The following NDUFAF6 variants were observed in gnomAD, a reference collection of about 807,000 sequenced individuals.
NDUFAF6 encodes the protein NADH dehydrogenase (ubiquinone) complex I, assembly factor 6.
In NDUFAF6, 45 loss-of-function variants were observed where a neutral mutation model predicts 40.8. That is an observed-to-expected ratio of 1.10 (90% CI 0.87 to 1.42). The LOEUF is 1.42. NDUFAF6 is among the 40% of genes most tolerant of loss of function. NDUFAF6 has a pLI of 0.00. For missense variants in NDUFAF6, 435 were observed against 418.5 expected (o/e 1.04, Z -0.34); for synonymous variants, 185 against 155.9 (o/e 1.19, Z -1.39).
At chr8:94,904,694 T>G (rs1818275825) in intron 1 of NDUFAF6, among the ~76,000 whole-genome samples, 1 of 152,054 alleles carries the variant, frequency 6.6e-6, no homozygotes, top group Non-Finnish European at 1.5e-5. Flanking sequence ...TTGTTTGTTT[T>G]TTGCAGTGTT....
intron 9 of NDUFAF6, among the ~76,000 whole-genome samples, chr8:95,064,947 G>A (rs1249039580): frequency 2.0e-5 from 3 of 152,080 alleles, no homozygotes; most frequent in Non-Finnish European, 2.9e-5. Context: ...ATCCAATGAA[G>A]TCTCCATAAA....
exon 3 of NDUFAF6, chr8:95,103,165 G>A (rs1358466605): frequency 1.3e-5 from 2 of 152,182 alleles, no homozygotes; most frequent in African/African-American, 2.4e-5. Context: ...TAGTGTTCAG[G>A]TGGTTTTGTG....
intron 1 of NDUFAF6, chr8:94,925,886 T>G (rs1819845937): frequency 1.2e-5 from 1 of 81,490 alleles, no homozygotes; most frequent in Non-Finnish European, 2.9e-5. Context: ...GTGTATTAAA[T>G]ACATCTTTTG....
chr8:95,055,005 A>T (rs542892882), intron 8 of NDUFAF6, among the ~76,000 whole-genome samples: 13 of 152,334 alleles, frequency 8.5e-5, no homozygotes, highest in African/African-American at 2.6e-4. Flanking sequence ...TGAGAGTTTC[A>T]CAATCAATTT....
At chr8:95,031,262 C>G (rs767566871) in intron 1 of NDUFAF6, among the ~76,000 whole-genome samples, 9 of 152,220 alleles carry the variant, frequency 5.9e-5, no homozygotes, top group Non-Finnish European at 8.8e-5. Context: ...CTTCTAGGCT[C>G]TTTCAGCAGG....
Position 94,904,320 on chromosome 8 carries a change from C to CTTTTTTTTTTTT in NDUFAF6, c.-936+8419_-936+8430dup, listed in dbSNP as rs57749627. ...CATCACACCTGGCTAATTTTTTTTG[C>CTTTTTTTTTTTT]TTTTTTTTTTTTTTTTTTTTTTTTT... is the stretch of plus-strand genomic sequence containing the variant. On this transcript the variant is annotated intron_variant, in intron 1 of 14. Coordinates refer to the NDUFAF6 transcript ENST00000396113. Among the ~76,000 whole-genome samples, 54 of 34,136 alleles carry CTTTTTTTTTTTT rather than the reference C, an allele frequency of 1.6e-3. 20 individuals carry two copies. Among genetic ancestry groups the CTTTTTTTTTTTT allele is most frequent in the African/African-American group, 7.1e-3 (47 of 6,578 alleles). The allele number at this position is 34,136 out of a possible 152,430, so 22.4% of individuals were successfully genotyped here.
intron 2 of NDUFAF6, 94 bp downstream of exon 2, chr8:95,032,188 G>A: frequency 9.3e-7 from 1 of 1,078,160 alleles, no homozygotes; most frequent in South Asian, 1.3e-5. Context: ...TAATTTATAT[G>A]TTAGATGTGT....
intron 1 of NDUFAF6, among the ~76,000 whole-genome samples, chr8:94,901,443 A>G (rs1022194332): frequency 6.6e-6 from 1 of 151,974 alleles, no homozygotes; most frequent in African/African-American, 2.4e-5. Context: ...GTGCTGATGA[A>G]TAGACTGAGG....
In NDUFAF6 at chr8:95,058,116, T is replaced by C; in HGVS notation, c.*179T>C. 1 of 1,447,120 alleles carries C rather than the reference T, an allele frequency of 6.9e-7. No homozygotes were observed. The highest frequency in any genetic ancestry group is 9.0e-7 in the Non-Finnish European group (1 of 1,110,592). The allele number at this position is 1,447,120 out of a possible 1,614,324, so 89.6% of individuals were successfully genotyped here. The stretch of plus-strand genomic sequence containing the variant: ...ACTAGGGTGCCAAGACTGCTGAGAT[T>C]CTGGCAGAGGCACTGCCATTGGCAC... On this transcript the variant is annotated 3_prime_UTR_variant, in exon 9 of 9. Coordinates refer to ENST00000396124, the MANE Select transcript of NDUFAF6 (RefSeq NM_152416.4).
chr8:95,117,999 C>T (rs1339966859), downstream of NDUFAF6, among the ~76,000 whole-genome samples: 2 of 152,216 alleles, frequency 1.3e-5, no homozygotes, highest in Admixed American at 6.5e-5. Context: ...CTAAGCTCGG[C>T]AGTTCTTGCT....
intron 1 of NDUFAF6, among the ~76,000 whole-genome samples, chr8:94,899,197 C>T (rs940179389): frequency 6.6e-6 from 1 of 152,184 alleles, no homozygotes; most frequent in African/African-American, 2.4e-5. Context: ...CTGCACCTGG[C>T]CAATTTTTTA....
At position 95,056,892 on chromosome 8, in the gene NDUFAF6, C is replaced by T. The variant is rs182811842; in HGVS notation, c.874-917C>T. Among the ~76,000 whole-genome samples the T allele has an allele frequency of 5.2e-3, 639 of 121,788 alleles. 3 individuals carry two copies. Among genetic ancestry groups the T allele is most frequent in the African/African-American group, 0.019 (608 of 31,666 alleles). 79.9% of individuals were successfully genotyped at this position (121,788 alleles called of 152,430 possible). On this transcript the variant is annotated intron_variant, in intron 8 of 8. Coordinates refer to ENST00000396124, the MANE Select transcript of NDUFAF6 (RefSeq NM_152416.4). ...CTGCACTCCAGCCTGGGTAACACAG[C>T]GAGACTCTGTCTCAAAAAAAAAAAA...
intron 1 of NDUFAF6, among the ~76,000 whole-genome samples, chr8:94,920,110 T>C (rs181395325): frequency 2.0e-5 from 3 of 152,278 alleles, no homozygotes; most frequent in Admixed American, 6.5e-5. Context: ...GTTTGATATA[T>C]AATGATAACA....
chr8:94,990,133 G>T (rs552737189), intron 2 of NDUFAF6, among the ~76,000 whole-genome samples: 2 of 152,306 alleles, frequency 1.3e-5, no homozygotes, highest in Admixed American at 6.5e-5. Flanking sequence ...CAGAACAAAA[G>T]GATCTTAAGG....
intron 2 of NDUFAF6, among the ~76,000 whole-genome samples, chr8:95,091,641 C>T (rs910304014): frequency 6.6e-6 from 1 of 151,598 alleles, no homozygotes; most frequent in Non-Finnish European, 1.5e-5. Flanking sequence ...AATTGTTCAT[C>T]TCTCTCTCTT....
intron 2 of NDUFAF6, among the ~76,000 whole-genome samples, chr8:95,005,977 T>C (rs1210128543): frequency 1.3e-5 from 2 of 151,796 alleles, no homozygotes; most frequent in African/African-American, 4.8e-5. Flanking sequence ...TGACCTCTAT[T>C]GACCTACACC....
At chr8:94,896,423 C>T (rs1586568353) in intron 1 of NDUFAF6, 1 of 152,196 alleles carries the variant, frequency 6.6e-6, no homozygotes, top group Admixed American at 6.5e-5. Context: ...CCTTCGCTGC[C>T]TCTATGAATG....
At chr8:95,046,121 C>G (rs995208339) in intron 5 of NDUFAF6, among the ~76,000 whole-genome samples, 1 of 151,672 alleles carries the variant, frequency 6.6e-6, no homozygotes, top group Non-Finnish European at 1.5e-5. Flanking sequence ...AGTGCAGTGG[C>G]TCAATCTCGG....
chr8:94,929,594 GAA>G (rs1298162640), intron 1 of NDUFAF6: 2 of 152,184 alleles, frequency 1.3e-5, no homozygotes, highest in East Asian at 3.8e-4. Context: ...TGGGCAGAGA[GAA>G]ATATGAAGTC....
Sources: allele counts gnomAD v4.1 joint callset (sites outside exome capture counted in the v4.1 genomes callset), GRCh38; gene constraint gnomAD v4.1.1; transcripts MANE v1.5; gene names NCBI Gene and HGNC (gene_info 2026-07-23, HGNC 2026-07-21).